Variants in GABRB1 observed in about 807,000 individuals in gnomAD.
GABRB1 encodes the protein gamma-aminobutyric acid type A receptor subunit beta1.
A neutral mutation model predicts 51.6 loss-of-function variants in GABRB1; 17 were observed. The ratio of observed to expected loss-of-function variants is 0.33; its 90% CI spans 0.23 to 0.49. The LOEUF (loss-of-function observed/expected upper bound fraction) is 0.49. GABRB1 is among the 20% of genes least tolerant of loss of function. GABRB1 has a pLI of 0.99. For synonymous variants in GABRB1, 247 were observed against 218.9 expected (o/e 1.13, Z -1.14); for missense variants, 410 against 600.6 (o/e 0.68, Z 3.32).
chr4:47,338,307 G>T (rs950114434), intron 5 of GABRB1, among the ~76,000 whole-genome samples: 1 of 152,122 alleles, frequency 6.6e-6, no homozygotes, highest in Non-Finnish European at 1.5e-5. Flanking sequence ...TTGTGCACAT[G>T]CCTTTTCTGA....
chr4:47,247,953 T>A (rs778244059), intron 4 of GABRB1, among the ~76,000 whole-genome samples: 1 of 152,064 alleles, frequency 6.6e-6, no homozygotes, highest in Non-Finnish European at 1.5e-5. Flanking sequence ...CATATCAGCA[T>A]CAAACAGTGA....
intron 3 of GABRB1, among the ~76,000 whole-genome samples, chr4:47,057,732 T>A (rs893485709): frequency 2.0e-5 from 3 of 152,212 alleles, no homozygotes; most frequent in Admixed American, 6.5e-5. Context: ...TAAACCTGGA[T>A]GTAAGAGGAG....
At chr4:47,326,456 C>T (rs1361723531) in intron 5 of GABRB1, among the ~76,000 whole-genome samples, 3 of 152,080 alleles carry the variant, frequency 2.0e-5, no homozygotes. Context: ...TATTCTATTT[C>T]ATTATTAATT....
intron 5 of GABRB1, among the ~76,000 whole-genome samples, chr4:47,335,399 G>T (rs1725661596): frequency 6.6e-6 from 1 of 151,966 alleles, no homozygotes; most frequent in Non-Finnish European, 1.5e-5. Context: ...TCTGATTTTA[G>T]ATTGGAAATA....
chr4:47,402,214 C>A (rs946416456), intron 5 of GABRB1, among the ~76,000 whole-genome samples: 25 of 152,218 alleles, frequency 1.6e-4, no homozygotes, highest in African/African-American at 6.0e-4. Flanking sequence ...TGGCATTCAA[C>A]TTCTAAATAT....
intron 8 of GABRB1, among the ~76,000 whole-genome samples, chr4:47,413,285 G>A (rs1728817895): frequency 6.6e-6 from 1 of 152,064 alleles, no homozygotes; most frequent in Non-Finnish European, 1.5e-5. Flanking sequence ...TCATATTTAG[G>A]TGGGATAATA....
At chr4:47,279,134 A>G (rs374478808) in intron 4 of GABRB1, among the ~76,000 whole-genome samples, 3 of 137,500 alleles carry the variant, frequency 2.2e-5, no homozygotes, top group Non-Finnish European at 3.3e-5. Context: ...ATGGATGGAT[A>G]GATGGATGGA....
chr4:47,226,821 C>T (rs1038237588), intron 4 of GABRB1, among the ~76,000 whole-genome samples: 4 of 152,070 alleles, frequency 2.6e-5, no homozygotes, highest in Non-Finnish European at 5.9e-5. Context: ...AATGTTTATA[C>T]CTCTTCAAAT....
chr4:47,354,575 C>T, intron 5 of GABRB1, among the ~76,000 whole-genome samples: 1 of 152,188 alleles, frequency 6.6e-6, no homozygotes, highest in South Asian at 2.1e-4. Flanking sequence ...TTCCTTTCAT[C>T]TTAGGAATTT....
chr4:47,060,743 A>G (rs1726815146), intron 3 of GABRB1, among the ~76,000 whole-genome samples: 1 of 152,170 alleles, frequency 6.6e-6, no homozygotes, highest in Non-Finnish European at 1.5e-5. Context: ...AGCCTCGATT[A>G]ATTTCCAGTA....
intron 4 of GABRB1, among the ~76,000 whole-genome samples, chr4:47,249,287 G>C (rs562532737): frequency 7.3e-4 from 111 of 152,170 alleles, no homozygotes; most frequent in African/African-American, 2.2e-3. Context: ...TCAGAAGCAG[G>C]TTATTTAATT....
At chr4:47,344,869 T>C (rs1050585416) in intron 5 of GABRB1, among the ~76,000 whole-genome samples, 12 of 152,014 alleles carry the variant, frequency 7.9e-5, no homozygotes, top group African/African-American at 2.7e-4. Flanking sequence ...ACTACAGGTG[T>C]GCACCACCAC....
intron 5 of GABRB1, among the ~76,000 whole-genome samples, chr4:47,332,536 A>T (rs978219084): frequency 6.6e-6 from 1 of 152,156 alleles, no homozygotes; most frequent in African/African-American, 2.4e-5. Flanking sequence ...AAGTTACATT[A>T]TTCTTATCTT....
At chr4:47,084,258 T>C (rs1430932321) in intron 3 of GABRB1, among the ~76,000 whole-genome samples, 2 of 152,196 alleles carry the variant, frequency 1.3e-5, no homozygotes, top group Admixed American at 6.5e-5. Flanking sequence ...TGCCAATATG[T>C]GGTTTGAGCT....
chr4:47,261,940 G>A lies in GABRB1; in HGVS notation c.462-58187G>A, dbSNP rs202196067. Among the ~76,000 whole-genome samples the A allele has an allele frequency of 2.8e-4, 42 of 151,890 alleles. No homozygotes were observed. The East Asian group carries it at 7.6e-3, about 27-fold the overall frequency. On this transcript the variant is annotated intron_variant, in intron 4 of 8. Coordinates refer to ENST00000295454, the MANE Select transcript of GABRB1 (RefSeq NM_000812.4). ...CAAAGCTGAGAAAAACAAGCAATGG[G>A]GAAAGGATTCCCTATTTAATAAATG... is the stretch of plus-strand genomic sequence containing the variant.
intron 5 of GABRB1, among the ~76,000 whole-genome samples, chr4:47,340,899 A>G (rs2109987066): frequency 6.6e-6 from 1 of 152,296 alleles, no homozygotes; most frequent in Middle Eastern, 3.4e-3. Context: ...TTACCTCAGA[A>G]TTTCATGTTA....
chr4:47,064,306 T>C (rs953476400), intron 3 of GABRB1, among the ~76,000 whole-genome samples: 3 of 152,184 alleles, frequency 2.0e-5, no homozygotes, highest in African/African-American at 7.2e-5. Context: ...TAGGATACTT[T>C]GTCATTCTTC....
intron 1 of GABRB1, among the ~76,000 whole-genome samples, chr4:47,019,958 A>T (rs536289651): frequency 1.1e-3 from 161 of 151,178 alleles, no homozygotes; most frequent in Non-Finnish European, 1.8e-3. Context: ...GTATATGTAT[A>T]TATATTTTGT....
chr4:47,172,118 C>G (rs996880906), intron 4 of GABRB1, among the ~76,000 whole-genome samples: 5 of 152,088 alleles, frequency 3.3e-5, no homozygotes, highest in African/African-American at 4.8e-5. Flanking sequence ...ATGTAACATG[C>G]TGTTTATGGA....
Sources: gnomAD v4.1 joint callset for allele counts (sites outside exome capture counted in the v4.1 genomes callset) on GRCh38, gnomAD v4.1.1 for gene constraint, MANE v1.5 for transcripts, NCBI Gene and HGNC (gene_info 2026-07-23, HGNC 2026-07-21) for gene names.